The following PCDHA4 variants were observed in gnomAD, a reference collection of about 807,000 sequenced individuals.
PCDHA4 encodes the protein protocadherin alpha 4, also known as protocadherin alpha-4.
In PCDHA4, 49 loss-of-function variants were observed where a neutral mutation model predicts 61.4. The ratio of observed to expected loss-of-function variants is 0.80; its 90% CI spans 0.63 to 1.01. The LOEUF (loss-of-function observed/expected upper bound fraction) is 1.01, where lower values mean the gene tolerates loss of function less well. Among genes scored for constraint, PCDHA4 ranks in the 50% least tolerant of loss-of-function variants. The probability of loss-of-function intolerance (pLI) is 0.00; values close to 1 mark genes in which losing one functional copy is unlikely to be tolerated. For synonymous variants in PCDHA4, 590 were observed against 550.3 expected, an observed-to-expected ratio of 1.07 and a Z score of -1.01; for missense variants, 1,254 against 1,235.8, an observed-to-expected ratio of 1.01 and a Z score of -0.22.
At chr5:140,941,063 TG>T (rs1554213711) in intron 1 of PCDHA4, among the ~76,000 whole-genome samples, 2 of 152,194 alleles carry the variant, frequency 1.3e-5, no homozygotes, top group East Asian at 3.8e-4. Context: ...AGCAGTTTTC[TG>T]GGCTGGAGAG....
intron 1 of PCDHA4, among the ~76,000 whole-genome samples, chr5:140,913,844 A>G (rs1554196074): frequency 1.3e-5 from 2 of 152,194 alleles, no homozygotes; most frequent in African/African-American, 2.4e-5. Flanking sequence ...CCCACTGGTC[A>G]TTCAGGAGCA....
At chr5:141,005,861 C>T (rs921854027) in intron 3 of PCDHA4, among the ~76,000 whole-genome samples, 2 of 151,860 alleles carry the variant, frequency 1.3e-5, no homozygotes, top group Admixed American at 6.6e-5. Flanking sequence ...ACAGGAGGGT[C>T]GATTGAGTCC....
At chr5:140,971,434 A>T (rs1243393478) in intron 1 of PCDHA4, among the ~76,000 whole-genome samples, 1 of 152,188 alleles carries the variant, frequency 6.6e-6, no homozygotes, top group Non-Finnish European at 1.5e-5. Flanking sequence ...GAACCCCAAG[A>T]TCTACAGCTC....
chr5:140,955,505 C>T (rs1253768939), intron 1 of PCDHA4, among the ~76,000 whole-genome samples: 2 of 152,152 alleles, frequency 1.3e-5, no homozygotes, highest in African/African-American at 2.4e-5. Flanking sequence ...TGAAGAAAGA[C>T]GTGTTTGCTT....
chr5:140,828,565 C>T (rs2150156833), intron 1 of PCDHA4: 65 of 1,614,050 alleles, frequency 4.0e-5, no homozygotes, highest in Admixed American at 6.7e-5. Context: ...AGGGCGCGTC[C>T]GATGCAGATG....
intron 1 of PCDHA4, chr5:140,835,766 G>C: frequency 6.2e-7 from 1 of 1,613,388 alleles, no homozygotes. Flanking sequence ...CCGAGTATAC[G>C]GTGTTCGTGA....
rs782214418 is a variant in PCDHA4, at chr5:140,809,161, G to A, written c.1974G>A (p.Ala658=). The change falls in exon 1 of 4, where the codon GCG becomes GCA. Residue 658 remains alanine, a synonymous_variant. Coordinates refer to ENST00000530339, the MANE Select transcript of PCDHA4 (RefSeq NM_018907.4). Reference sequence around the variant, plus strand: ...TGGTGAAGGACCACGGCGAGCCCGCGCTGACGGCCACGGCCACTGTGCTGG... The same window carrying A: ...TGGTGAAGGACCACGGCGAGCCCGCACTGACGGCCACGGCCACTGTGCTGG... ...LVLVKDHGEP[A]LTATATVLVS... is the part of the protein sequence containing the mutation. 2.5e-6 allele frequency: 4 copies of A among 1,613,952 alleles called. No homozygotes were observed. The highest frequency in any genetic ancestry group is 1.3e-5 in the African/African-American group (1 of 75,064).
intron 1 of PCDHA4, chr5:140,884,552 G>A (rs1554181720): frequency 6.2e-7 from 1 of 1,614,142 alleles, no homozygotes; most frequent in East Asian, 2.2e-5. Context: ...GTGCTCTGGG[G>A]AGGGCCCGCA....
At position 140,849,556 on chromosome 5, in the gene PCDHA4, C is replaced by G. The variant is rs2150440514; in HGVS notation, c.2385+39984C>G. On this transcript the variant is annotated intron_variant, in intron 1 of 3. Coordinates refer to ENST00000530339, the MANE Select transcript of PCDHA4 (RefSeq NM_018907.4). ...AATGCTCCACAGTTGACTATCAAAA[C>G]GCTCTCGGTTCCTGTAAAAGAGGAC... 3.1e-6 allele frequency: 5 copies of G among 1,598,518 alleles called. 1 individual carries two copies. In the Middle Eastern group the frequency reaches 5.0e-4, roughly 160 times the overall value.
At chr5:141,006,704 A>G (rs2098283751) in intron 3 of PCDHA4, among the ~76,000 whole-genome samples, 1 of 152,128 alleles carries the variant, frequency 6.6e-6, no homozygotes, top group Non-Finnish European at 1.5e-5. Context: ...GAGTCAAGAT[A>G]TATTTAGGAG....
chr5:140,883,511 C>T (rs782295526), intron 1 of PCDHA4: 22 of 1,614,068 alleles, frequency 1.4e-5, no homozygotes, highest in Non-Finnish European at 1.8e-5. Flanking sequence ...CGCCCTGGAC[C>T]GCGAGAGCGT....
At position 140,863,274 on chromosome 5, in the gene PCDHA4, G is replaced by T. The variant is rs782533377; in HGVS notation, c.2385+53702G>T. 8.9e-6 allele frequency: 13 copies of T among 1,461,580 alleles called. No individual in the cohort carries two copies. In the African/African-American group the frequency reaches 1.8e-4, roughly 21 times the overall value. 90.5% of individuals were successfully genotyped at this position (1,461,580 alleles called of 1,614,324 possible). On this transcript the variant is annotated intron_variant, in intron 1 of 3. Coordinates refer to ENST00000530339, the MANE Select transcript of PCDHA4 (RefSeq NM_018907.4). Reference sequence around the variant, plus strand: ...TCGAGGTCCGGGAGGCAGCGCTGGTGGATGTCAACGTGTACCTGATCATCG... The same window carrying T: ...TCGAGGTCCGGGAGGCAGCGCTGGTTGATGTCAACGTGTACCTGATCATCG...
chr5:140,841,833 G>A (rs2150323883), intron 1 of PCDHA4: 2 of 1,613,938 alleles, frequency 1.2e-6, no homozygotes, highest in South Asian at 2.2e-5. Context: ...TTAACCTACA[G>A]GCTTAGCTCT....
At chr5:140,952,476 G>A (rs1231361903) in intron 1 of PCDHA4, among the ~76,000 whole-genome samples, 1 of 152,148 alleles carries the variant, frequency 6.6e-6, no homozygotes, top group East Asian at 1.9e-4. Context: ...TAAGGAAAGT[G>A]ACATTTGCTC....
intron 3 of PCDHA4, among the ~76,000 whole-genome samples, chr5:140,998,139 G>C (rs1354714500): frequency 2.0e-5 from 3 of 152,176 alleles, no homozygotes; most frequent in Non-Finnish European, 4.4e-5. Flanking sequence ...TAGCTAACCT[G>C]TACTGAACAG....
At chr5:140,971,692 C>G (rs2096492766) in intron 1 of PCDHA4, among the ~76,000 whole-genome samples, 1 of 152,116 alleles carries the variant, frequency 6.6e-6, no homozygotes, top group South Asian at 2.1e-4. Context: ...TTTGTACTCA[C>G]TAACCACCCT....
chr5:140,807,781 A>G lies in PCDHA4; in HGVS notation c.594A>G (p.Lys198=). ...AAGGTCTTGGGCTTATATTACGGAA[A>G]TCTTTAGACAGAGAAGAAGCTCCGG... ...LVKGLGLILR[K]SLDREEAPEI... The change falls in exon 1 of 4, where the codon AAA becomes AAG. Residue 198 remains lysine, a synonymous_variant. Coordinates refer to ENST00000530339, the MANE Select transcript of PCDHA4 (RefSeq NM_018907.4). 3.7e-6 allele frequency: 6 copies of G among 1,614,152 alleles called. No individual in the cohort carries two copies. The highest frequency in any genetic ancestry group is 5.1e-6 in the Non-Finnish European group (6 of 1,180,038).
Position 140,849,766 on chromosome 5 carries a change from T to C in PCDHA4, c.2385+40194T>C. 1.9e-6 allele frequency: 3 copies of C among 1,598,326 alleles called. 1 individual carries two copies. Among genetic ancestry groups the C allele is most frequent in the Middle Eastern group, 1.7e-4 (1 of 5,858 alleles). On this transcript the variant is annotated intron_variant, in intron 1 of 3. Coordinates refer to ENST00000530339, the MANE Select transcript of PCDHA4 (RefSeq NM_018907.4). The stretch of plus-strand genomic sequence containing the variant: ...GAGAGTGTGTCCGCCTACGAGCTGG[T>C]GGTTACCGCGCGGGACGGGGGCTCG...
chr5:140,894,197 A>C (rs1378272032), intron 1 of PCDHA4, among the ~76,000 whole-genome samples: 1 of 152,008 alleles, frequency 6.6e-6, no homozygotes, highest in Non-Finnish European at 1.5e-5. Context: ...TATTTTTTCT[A>C]TGCTATTATA....
Sources: allele counts gnomAD v4.1 joint callset (sites outside exome capture counted in the v4.1 genomes callset), GRCh38; gene constraint gnomAD v4.1.1; transcripts MANE v1.5; gene names NCBI Gene and HGNC (gene_info 2026-07-23, HGNC 2026-07-21).